The following ANKRD46 variants were observed in gnomAD, a reference collection of about 807,000 sequenced individuals.
The protein encoded by ANKRD46 is ankyrin repeat domain 46, also known as ankyrin repeat domain-containing protein 46.
In ANKRD46, 13 loss-of-function variants were observed where a neutral mutation model predicts 19.8. The ratio of observed to expected loss-of-function variants is 0.66; its 90% CI spans 0.43 to 1.04. The LOEUF (loss-of-function observed/expected upper bound fraction) is 1.04, where lower values mean the gene tolerates loss of function less well. Ranked by LOEUF, ANKRD46 falls within the 50% of genes least tolerant of loss-of-function variation. The probability of loss-of-function intolerance (pLI) is 0.00; values close to 1 mark genes in which losing one functional copy is unlikely to be tolerated. For missense variants in ANKRD46, 185 were observed against 274.8 expected (o/e 0.67, Z 2.31); for synonymous variants, 91 against 106.9 (o/e 0.85, Z 0.92).
At chr8:100,520,759 A>AT, downstream of ANKRD46, 3 of 955,916 alleles carry the variant, frequency 3.1e-6, no homozygotes, top group African/African-American at 1.8e-5. Flanking sequence ...AAAAAAAAAA[A>AT]GAGAAATCGT....
rs902265691 is a variant in ANKRD46 at position 100,524,804 on chromosome 8, A to G, written c.471-2033T>C. Among the ~76,000 whole-genome samples, 5 of 152,194 alleles carry G rather than the reference A, an allele frequency of 3.3e-5. No individual in the cohort carries two copies. Among genetic ancestry groups the G allele is most frequent in the Admixed American group, 2.6e-4 (4 of 15,274 alleles). Reference sequence around the variant, plus strand: ...TCTTCAGAGCTCATGAAGCTCTGCCAATCGGGATATTCTATAAAGACTTTA... The same window carrying G: ...TCTTCAGAGCTCATGAAGCTCTGCCGATCGGGATATTCTATAAAGACTTTA... On this transcript the variant is annotated intron_variant, in intron 4 of 4. Transcript: ENST00000335659. The surrounding 1 kb of genome is among the most constrained non-coding windows in gnomAD (Gnocchi z 4.3).
At position 100,524,551 on chromosome 8, in the gene ANKRD46, T is replaced by C. The variant is rs79398003; in HGVS notation, c.471-1780A>G. 9.5e-4 allele frequency among the ~76,000 whole-genome samples: 145 copies of C among 152,064 alleles called. 1 individual carries two copies. Among genetic ancestry groups the C allele is most frequent in the African/African-American group, 3.1e-3 (129 of 41,450 alleles). On this transcript the variant is annotated intron_variant, in intron 4 of 4. Transcript: ENST00000335659. The surrounding 1 kb of genome is among the most constrained non-coding windows in gnomAD (Gnocchi z 4.3). Reference sequence around the variant, plus strand: ...ACATGTTTATTCTCTGAATAAGAGATGATGTTTTCAGTGGGAATCTACAAC... The same window carrying C: ...ACATGTTTATTCTCTGAATAAGAGACGATGTTTTCAGTGGGAATCTACAAC...
intron 1 of ANKRD46, among the ~76,000 whole-genome samples, chr8:100,555,472 G>C (rs1812475491): frequency 6.7e-6 from 1 of 149,354 alleles, no homozygotes; most frequent in Non-Finnish European, 1.5e-5. Flanking sequence ...TATTAAAGAG[G>C]ACTGGGACTA....
downstream of ANKRD46, chr8:100,520,740 C>CAAA (rs1563924421): frequency 5.9e-6 from 1 of 169,640 alleles, no homozygotes; most frequent in African/African-American, 1.2e-4. Context: ...CTATAATACA[C>CAAA]TAAAAAAAAA....
intron 3 of ANKRD46, among the ~76,000 whole-genome samples, chr8:100,528,391 G>A (rs377701520): frequency 2.0e-5 from 3 of 152,164 alleles, no homozygotes; most frequent in Middle Eastern, 3.4e-3. Context: ...TTGTACTATA[G>A]AAAGTGTTTA....
rs1283389125 is a variant in ANKRD46 at position 100,554,996 on chromosome 8, T to C, written c.-131+4715A>G. ...TGCCACTGCACTCCAGCCTGGGTGA[T>C]AGAGTGAGACTCCATCTCCAAAAAA... On this transcript the variant is annotated intron_variant, in intron 1 of 4. Transcript: ENST00000335659. Among the ~76,000 whole-genome samples, 28 of 148,784 alleles carry C rather than the reference T, an allele frequency of 1.9e-4. No homozygotes were observed. In the South Asian group the frequency reaches 3.8e-3, roughly 20 times the overall value.
chr8:100,522,875 AC>A lies in ANKRD46; in HGVS notation c.471-105del, dbSNP rs1380280911. The A allele has an allele frequency of 2.8e-5, 15 of 541,568 alleles. No individual in the cohort carries two copies. In the Admixed American group the frequency reaches 4.9e-4, roughly 18 times the overall value. 33.5% of individuals were successfully genotyped at this position (541,568 alleles called of 1,614,324 possible). On this transcript the variant is annotated intron_variant, in intron 4 of 4. Coordinates refer to ENST00000335659, the MANE Select transcript of ANKRD46 (RefSeq NM_001270377.2). The stretch of plus-strand genomic sequence containing the variant: ...TAGAAAAGACCAAATACACACACAC[AC>A]ACACACACACACACACACACACACA...
At chr8:100,554,687 TGC>T (rs1812458603) in intron 1 of ANKRD46, 2 of 152,234 alleles carry the variant, frequency 1.3e-5, no homozygotes, top group East Asian at 3.9e-4. Flanking sequence ...ATTGTGCCAC[TGC>T]ACTCCAGCCT....
At chr8:100,549,664 T>C (rs1362047095) in intron 1 of ANKRD46, among the ~76,000 whole-genome samples, 1 of 152,234 alleles carries the variant, frequency 6.6e-6, no homozygotes, top group Non-Finnish European at 1.5e-5. Flanking sequence ...AGGGTACCTC[T>C]GTTATAACTG....
chr8:100,515,248 GA>G (rs1811610947), intron 5 of ANKRD46, among the ~76,000 whole-genome samples: 1 of 152,184 alleles, frequency 6.6e-6, no homozygotes, highest in African/African-American at 2.4e-5. Flanking sequence ...TCGCTGTTAA[GA>G]AAAGTACTGT....
rs1812014889 is a variant in ANKRD46, at chr8:100,534,019, G to A, written c.-130-708C>T. Reference sequence around the variant, plus strand: ...GGAAGGACCGTGGAAGCAGGGTCATGGGCAGGCAGTAAGGACCACAAAAAT... The same window carrying A: ...GGAAGGACCGTGGAAGCAGGGTCATAGGCAGGCAGTAAGGACCACAAAAAT... On this transcript the variant is annotated intron_variant, in intron 1 of 4. Transcript: ENST00000335659. The surrounding 1 kb of genome is among the most constrained non-coding windows in gnomAD (Gnocchi z 4.2). Among the ~76,000 whole-genome samples the A allele has an allele frequency of 1.3e-5, 2 of 152,202 alleles. No individual in the cohort carries two copies. The highest frequency in any genetic ancestry group is 4.1e-4 in the South Asian group (2 of 4,830).
intron 1 of ANKRD46, chr8:100,554,807 G>A (rs1812461319): frequency 6.6e-6 from 1 of 152,010 alleles, no homozygotes; most frequent in African/African-American, 2.4e-5. Context: ...AGGCTGAGGT[G>A]GATCACTTGA....
In ANKRD46 at chr8:100,524,814, T is replaced by G. The variant is rs542370546; in HGVS notation, c.471-2043A>C. Among the ~76,000 whole-genome samples the G allele has an allele frequency of 2.6e-5, 4 of 152,322 alleles. No individual in the cohort carries two copies. The highest frequency in any genetic ancestry group is 7.2e-5 in the African/African-American group (3 of 41,576). ...TCATGAAGCTCTGCCAATCGGGATA[T>G]TCTATAAAGACTTTATCCAATGAAA... On this transcript the variant is annotated intron_variant, in intron 4 of 4. Coordinates refer to ENST00000335659, the MANE Select transcript of ANKRD46 (RefSeq NM_001270377.2). The surrounding 1 kb of genome is among the most constrained non-coding windows in gnomAD (Gnocchi z 4.3).
chr8:100,555,008 C>T (rs527916075), intron 1 of ANKRD46, among the ~76,000 whole-genome samples: 9 of 148,568 alleles, frequency 6.1e-5, no homozygotes, highest in Admixed American at 5.4e-4. Flanking sequence ...GAGTGAGACT[C>T]CATCTCCAAA....
intron 1 of ANKRD46, among the ~76,000 whole-genome samples, chr8:100,539,427 T>C (rs17428790): frequency 0.039 from 5,983 of 152,280 alleles, 144 homozygotes; most frequent in Middle Eastern, 0.051. Context: ...ATGAAGAACA[T>C]TGGAAAGAAG....
intron 1 of ANKRD46, among the ~76,000 whole-genome samples, chr8:100,552,009 G>T (rs900422622): frequency 2.6e-5 from 4 of 152,008 alleles, no homozygotes; most frequent in Admixed American, 2.0e-4. Flanking sequence ...AATTAGCCAG[G>T]TGTGGTGGTG....
At chr8:100,555,657 T>C (rs1812481579) in intron 1 of ANKRD46, among the ~76,000 whole-genome samples, 1 of 113,418 alleles carries the variant, frequency 8.8e-6, no homozygotes, top group South Asian at 2.9e-4. Flanking sequence ...AGCCAACCAA[T>C]GAAAAATTCC....
chr8:100,515,318 T>C (rs1811612949), intron 5 of ANKRD46, among the ~76,000 whole-genome samples: 1 of 152,216 alleles, frequency 6.6e-6, no homozygotes, highest in Non-Finnish European at 1.5e-5. Context: ...CGGGGCCTGT[T>C]GCTCAGCTTC....
chr8:100,559,648 A>G lies in ANKRD46; in HGVS notation c.-131+63T>C, dbSNP rs1812574662. On this transcript the variant is annotated intron_variant, in intron 1 of 4. Transcript: ENST00000335659. This position sits in a 1 kb window ranked among gnomAD's most constrained non-coding sequence, Gnocchi z 6.0. ...CTACTGGACCTCCAGTGCTACAGGG[A>G]CGGTGCAGGAGATATCAAGTGGCTC... The G allele has an allele frequency of 6.6e-6, 1 of 152,426 alleles. No individual in the cohort carries two copies. The allele number at this position is 152,426 out of a possible 1,614,324, so 9.4% of individuals were successfully genotyped here.
Sources: gnomAD v4.1 joint callset for allele counts (sites outside exome capture counted in the v4.1 genomes callset) on GRCh38, gnomAD v4.1.1 for gene constraint, Gnocchi (gnomAD v3.1) non-coding constraint, MANE v1.5 for transcripts, NCBI Gene and HGNC (gene_info 2026-07-23, HGNC 2026-07-21) for gene names.